The following SLC25A26 variants were observed in gnomAD, a reference collection of about 807,000 sequenced individuals.
SLC25A26 encodes mitochondrial S-adenosylmethionine carrier protein.
In SLC25A26, 36 loss-of-function variants were observed where a neutral mutation model predicts 37.8. The ratio of observed to expected loss-of-function variants is 0.95; its 90% CI spans 0.73 to 1.26. The LOEUF (loss-of-function observed/expected upper bound fraction) is 1.26, where lower values mean the gene tolerates loss of function less well. Among genes scored for constraint, SLC25A26 ranks in the 50% most tolerant of loss-of-function variants. The pLI is 0.00. For synonymous variants in SLC25A26, 129 were observed against 122.5 expected (o/e 1.05, Z -0.35); for missense variants, 390 against 331.1 (o/e 1.18, Z -1.38).
chr3:66,267,196 G>C (rs1399106728), intron 5 of SLC25A26, among the ~76,000 whole-genome samples: 1 of 146,792 alleles, frequency 6.8e-6, no homozygotes, highest in Non-Finnish European at 1.6e-5. Flanking sequence ...CAATGCTTGA[G>C]TGGTGCTCAG....
At chr3:66,166,127 T>C (rs1451661623) in intron 1 of SLC25A26, among the ~76,000 whole-genome samples, 26 of 152,226 alleles carry the variant, frequency 1.7e-4, no homozygotes, top group Admixed American at 5.2e-4. Flanking sequence ...ACGCCTTCAG[T>C]TTCTGCCAAC....
intron 6 of SLC25A26, among the ~76,000 whole-genome samples, chr3:66,355,054 T>G (rs953215990): frequency 6.6e-6 from 1 of 152,130 alleles, no homozygotes; most frequent in African/African-American, 2.4e-5. Context: ...AGAAAGCTCA[T>G]AGAACCCCCA....
At chr3:66,282,978 C>A (rs1017975181) in intron 5 of SLC25A26, among the ~76,000 whole-genome samples, 1 of 152,178 alleles carries the variant, frequency 6.6e-6, no homozygotes, top group Non-Finnish European at 1.5e-5. Context: ...TGTCACTCAG[C>A]GTAATGCCTT....
At chr3:66,352,355 C>T (rs1575599765) in intron 6 of SLC25A26, among the ~76,000 whole-genome samples, 1 of 152,056 alleles carries the variant, frequency 6.6e-6, no homozygotes. Context: ...AGCCTTATCC[C>T]GTGCCACTCA....
chr3:66,376,687 C>G (rs1700666003), intron 9 of SLC25A26, among the ~76,000 whole-genome samples: 1 of 152,182 alleles, frequency 6.6e-6, no homozygotes, highest in African/African-American at 2.4e-5. Context: ...GCAATATTCA[C>G]TATTATGGTG....
At chr3:66,213,833 G>A (rs1327359768) in intron 1 of SLC25A26, among the ~76,000 whole-genome samples, 1 of 152,032 alleles carries the variant, frequency 6.6e-6, no homozygotes, top group Non-Finnish European at 1.5e-5. Flanking sequence ...GGGAGGCTGA[G>A]GCAGGAGAAT....
chr3:66,331,681 T>C (rs1429312830), intron 5 of SLC25A26, among the ~76,000 whole-genome samples: 2 of 152,194 alleles, frequency 1.3e-5, no homozygotes, highest in Non-Finnish European at 2.9e-5. Context: ...AAATGTCTTG[T>C]TACTTTGGAA....
intron 1 of SLC25A26, among the ~76,000 whole-genome samples, chr3:66,221,479 CACA>C (rs2071492781): frequency 6.6e-6 from 1 of 152,132 alleles, no homozygotes; most frequent in Non-Finnish European, 1.5e-5. Context: ...ATGTATGTAA[CACA>C]ACAACAAAAA....
At chr3:66,340,290 C>T (rs1196466713) in intron 5 of SLC25A26, among the ~76,000 whole-genome samples, 1 of 152,042 alleles carries the variant, frequency 6.6e-6, no homozygotes, top group African/African-American at 2.4e-5. Context: ...CTCCAGCTTT[C>T]ATTGGGGTAC....
intron 5 of SLC25A26, among the ~76,000 whole-genome samples, chr3:66,330,285 T>G (rs1024350800): frequency 1.3e-5 from 2 of 152,130 alleles, no homozygotes; most frequent in African/African-American, 4.8e-5. Context: ...TGGACATGTT[T>G]AGTTTAACAT....
intron 5 of SLC25A26, among the ~76,000 whole-genome samples, chr3:66,343,763 C>T (rs988474099): frequency 6.6e-6 from 1 of 152,160 alleles, no homozygotes; most frequent in Non-Finnish European, 1.5e-5. Flanking sequence ...CATAATCATA[C>T]TGTCAGTCTT....
chr3:66,296,850 A>G (rs2074918139), intron 5 of SLC25A26, among the ~76,000 whole-genome samples: 1 of 152,210 alleles, frequency 6.6e-6, no homozygotes, highest in Non-Finnish European at 1.5e-5. Context: ...AAGGTGCAGG[A>G]CCAAGAGGGT....
chr3:66,261,668 T>A (rs1439790699), intron 3 of SLC25A26: 1 of 182,974 alleles, frequency 5.5e-6, no homozygotes, highest in African/African-American at 2.4e-5. Flanking sequence ...TTACTTCCAG[T>A]AAAGCAGAGG....
chr3:66,283,820 A>G (rs1459976551), intron 5 of SLC25A26, among the ~76,000 whole-genome samples: 5 of 152,272 alleles, frequency 3.3e-5, no homozygotes, highest in African/African-American at 4.8e-5. Context: ...GAAACTTTCT[A>G]TAAGACTCTA....
intron 5 of SLC25A26, among the ~76,000 whole-genome samples, chr3:66,302,007 C>T (rs1037545655): frequency 6.6e-6 from 1 of 152,096 alleles, no homozygotes; most frequent in Non-Finnish European, 1.5e-5. Context: ...GAAATACAGT[C>T]CTATATAAAT....
At chr3:66,295,360 A>C (rs1405856337) in intron 5 of SLC25A26, among the ~76,000 whole-genome samples, 1 of 149,548 alleles carries the variant, frequency 6.7e-6, no homozygotes, top group Non-Finnish European at 1.5e-5. Context: ...AGTAGCTGGG[A>C]TTACAGGCGC....
chr3:66,234,442 C>T (rs2072179235), intron 1 of SLC25A26, among the ~76,000 whole-genome samples: 1 of 152,174 alleles, frequency 6.6e-6, no homozygotes, highest in Non-Finnish European at 1.5e-5. Flanking sequence ...TCTCTACTGG[C>T]ACATCTCTGT....
chr3:66,200,632 C>A (rs1426793382), intron 1 of SLC25A26, among the ~76,000 whole-genome samples: 1 of 152,194 alleles, frequency 6.6e-6, no homozygotes, highest in South Asian at 2.1e-4. Flanking sequence ...GATCAGGGTA[C>A]TTTCATGGTC....
intron 5 of SLC25A26, among the ~76,000 whole-genome samples, chr3:66,305,742 G>A (rs2075201507): frequency 6.6e-6 from 1 of 152,066 alleles, no homozygotes; most frequent in Non-Finnish European, 1.5e-5. Context: ...TTGCTATTGT[G>A]AATAGTGCTG....
Sources: allele counts gnomAD v4.1 joint callset (sites outside exome capture counted in the v4.1 genomes callset), GRCh38; gene constraint gnomAD v4.1.1; transcripts MANE v1.5; gene names NCBI Gene and HGNC (gene_info 2026-07-23, HGNC 2026-07-21).